REL: variants seen among roughly 807,000 people sequenced by gnomAD.
The protein encoded by REL is proto-oncogene c-Rel.
In REL, 15 loss-of-function variants were observed where a neutral mutation model predicts 45.9. The ratio of observed to expected loss-of-function variants is 0.33; its 90% confidence interval spans 0.22 to 0.50. The LOEUF (loss-of-function observed/expected upper bound fraction) is 0.50, where lower values mean the gene tolerates loss of function less well. Ranked by LOEUF, REL falls within the 20% of genes least tolerant of loss-of-function variation. The probability of loss-of-function intolerance (pLI) is 0.98; values close to 1 mark genes in which losing one functional copy is unlikely to be tolerated. For synonymous variants in REL, 239 were observed against 242.1 expected, an observed-to-expected ratio of 0.99 and a Z score of 0.12; for missense variants, 601 against 715.2, an observed-to-expected ratio of 0.84 and a Z score of 1.82.
In REL at chr2:60,930,464, A is replaced by C. The variant is rs1249499202; in HGVS notation, c.*7929A>C. On this transcript the variant is annotated 3_prime_UTR_variant, in exon 10 of 10. Coordinates refer to ENST00000394479, the MANE Select transcript of REL (RefSeq NM_001291746.2). The stretch of plus-strand genomic sequence containing the variant: ...CAGAAATAGGTGACTAATCAGAGAT[A>C]AATGTATGGGTTGTCTGTATCTAGT... The C allele has an allele frequency of 6.6e-6, 1 of 152,364 alleles. No homozygotes were observed. Among genetic ancestry groups the C allele is most frequent in the African/African-American group, 2.4e-5 (1 of 41,464 alleles). The allele number at this position is 152,364 out of a possible 1,614,324, so 9.4% of individuals were successfully genotyped here.
Position 60,930,429 on chromosome 2 carries a change from A to G in REL, c.*7894A>G, listed in dbSNP as rs1332815569. 6.6e-6 allele frequency: 1 copy of G among 152,332 alleles called. No individual in the cohort carries two copies. Among genetic ancestry groups the G allele is most frequent in the South Asian group, 2.1e-4 (1 of 4,832 alleles). The allele number at this position is 152,332 out of a possible 1,614,324, so 9.4% of individuals were successfully genotyped here. On this transcript the variant is annotated 3_prime_UTR_variant, in exon 10 of 10. Coordinates refer to ENST00000394479, the MANE Select transcript of REL (RefSeq NM_001291746.2). ...AGAGCCTTCTTTTGGCTTATCATTTATTATAAGCCCAGAAATAGGTGACTA... is the reference window on the plus strand; with the variant it reads ...AGAGCCTTCTTTTGGCTTATCATTTGTTATAAGCCCAGAAATAGGTGACTA...
In REL at chr2:60,929,230, A is replaced by C. The variant is rs1469084112; in HGVS notation, c.*6695A>C. ...ACTTTTACACTGTTGGTGGGACTGT[A>C]AACTAGTTCAACCATTGTGGAAGTC... On this transcript the variant is annotated 3_prime_UTR_variant, in exon 10 of 10. Transcript: ENST00000394479. The C allele has an allele frequency of 2.7e-5, 4 of 149,242 alleles. No individual in the cohort carries two copies. The highest frequency in any genetic ancestry group is 6.0e-5 in the Non-Finnish European group (4 of 67,192). 9.2% of individuals were successfully genotyped at this position (149,242 alleles called of 1,614,324 possible).
rs138284410 is a variant in REL at position 60,920,242 on chromosome 2, C to G, written c.922+133C>G. Reference sequence around the variant, plus strand: ...TTTGAGATAGCATCTCTCTCTGTCACCCAGGCTGGAGTGCAGTAGGGCAAT... The same window carrying G: ...TTTGAGATAGCATCTCTCTCTGTCAGCCAGGCTGGAGTGCAGTAGGGCAAT... On this transcript the variant is annotated intron_variant, in intron 8 of 9. Transcript: ENST00000394479. The G allele has an allele frequency of 9.7e-4, 729 of 750,478 alleles. 8 individuals carry two copies. The African/African-American group carries it at 0.011, about 12-fold the overall frequency. 46.5% of individuals were successfully genotyped at this position (750,478 alleles called of 1,614,324 possible). A position where few individuals can be genotyped will look rare whatever the true frequency, so the allele number is the denominator to read the frequency against.
intron 3 of REL, 26 bp downstream of exon 3, chr2:60,894,571 C>A: frequency 6.6e-7 from 1 of 1,520,746 alleles, no homozygotes; most frequent in South Asian, 1.3e-5. Flanking sequence ...CAGACATCTT[C>A]AGAAATAAGA....
chr2:60,887,739 A>T (rs1338399104), intron 1 of REL, among the ~76,000 whole-genome samples: 2 of 151,006 alleles, frequency 1.3e-5, no homozygotes, highest in Non-Finnish European at 3.0e-5. Context: ...GAGCTTCTGC[A>T]GTAGGAAAAA....
At chr2:60,891,076 C>T (rs1053991763) in intron 1 of REL, among the ~76,000 whole-genome samples, 3 of 152,100 alleles carry the variant, frequency 2.0e-5, no homozygotes, top group Non-Finnish European at 4.4e-5. Flanking sequence ...GGACTGATTG[C>T]ACATTCTTTG....
intron 4 of REL, among the ~76,000 whole-genome samples, chr2:60,909,153 T>C (rs1431421362): frequency 6.6e-6 from 1 of 152,194 alleles, no homozygotes; most frequent in Non-Finnish European, 1.5e-5. Flanking sequence ...TTTATGTATC[T>C]ATTTCTCATC....
At chr2:60,895,511 T>C (rs1419501898) in intron 3 of REL, among the ~76,000 whole-genome samples, 2 of 152,150 alleles carry the variant, frequency 1.3e-5, no homozygotes, top group Non-Finnish European at 2.9e-5. Flanking sequence ...AATGCCTGGA[T>C]GTGAGAAAAA....
intron 5 of REL, among the ~76,000 whole-genome samples, chr2:60,917,344 T>C (rs944922557): frequency 1.3e-5 from 2 of 152,138 alleles, no homozygotes; most frequent in African/African-American, 4.8e-5. Flanking sequence ...TCTTACCATA[T>C]ATCTTGGACA....
At chr2:60,888,631 G>A (rs1432644406) in intron 1 of REL, among the ~76,000 whole-genome samples, 1 of 152,210 alleles carries the variant, frequency 6.6e-6, no homozygotes, top group Non-Finnish European at 1.5e-5. Context: ...TTAGGTTAAA[G>A]TCAGTTTTCT....
intron 1 of REL, among the ~76,000 whole-genome samples, chr2:60,888,312 C>T (rs1027981509): frequency 2.0e-5 from 3 of 152,014 alleles, no homozygotes; most frequent in East Asian, 1.9e-4. Flanking sequence ...TTATCATTAA[C>T]GATGTCATTT....
chr2:60,900,209 G>C (rs1673456925), intron 3 of REL: 1 of 152,202 alleles, frequency 6.6e-6, no homozygotes, highest in Non-Finnish European at 1.5e-5. Flanking sequence ...GCAATTACCT[G>C]ATTTCTAAAT....
chr2:60,914,497 GTTTA>G (rs143119159), intron 4 of REL, among the ~76,000 whole-genome samples: 2,445 of 152,068 alleles, frequency 0.016, 66 homozygotes, highest in African/African-American at 0.056. Context: ...TGACCAGTTT[GTTTA>G]TTTTTCTTTT....
At chr2:60,897,232 G>A (rs572984673) in intron 3 of REL, among the ~76,000 whole-genome samples, 30 of 151,316 alleles carry the variant, frequency 2.0e-4, no homozygotes, top group African/African-American at 6.1e-4. Flanking sequence ...TTGATATGCC[G>A]TCATCTTTCT....
rs757465539 is a variant in REL at position 60,921,886 on chromosome 2, T to A, written c.1115T>A (p.Met372Lys). ...AGTGGATTGTCACATCATGCCTCAA[T>A]GGCACCTCTGCCTTCTTCAAGCTGG... ...ISSGLSHHAS[M>K]APLPSSSWSS... Residue 372 changes from methionine (M) to lysine (K), a missense_variant, in exon 10 of 10, where the codon ATG becomes AAG. Around this residue, in one of 4 missense-constraint regions of REL, gnomAD observed 334 missense variants for 333.1 expected, o/e 1.00. Coordinates refer to ENST00000394479, the MANE Select transcript of REL (RefSeq NM_001291746.2). 5 of 1,614,038 alleles carry A rather than the reference T, an allele frequency of 3.1e-6. No homozygotes were observed. The highest frequency in any genetic ancestry group is 3.3e-5 in the Admixed American group (2 of 59,998).
In REL at chr2:60,926,593, C is replaced by T. The variant is rs948795427; in HGVS notation, c.*4058C>T. The T allele has an allele frequency of 1.3e-5, 3 of 231,174 alleles. No individual in the cohort carries two copies. Among genetic ancestry groups the T allele is most frequent in the Non-Finnish European group, 2.6e-5 (3 of 116,734 alleles). The allele number at this position is 231,174 out of a possible 1,614,324, so 14.3% of individuals were successfully genotyped here. ...AGTTGGTGCTATTTCCCCCTACCCGCCCTCCGATGATCTTATCAGAGCCCA... is the reference window on the plus strand; with the variant it reads ...AGTTGGTGCTATTTCCCCCTACCCGTCCTCCGATGATCTTATCAGAGCCCA... On this transcript the variant is annotated 3_prime_UTR_variant, in exon 10 of 10. Transcript: ENST00000394479.
At chr2:60,914,988 C>T (rs556998868) in intron 4 of REL, among the ~76,000 whole-genome samples, 10 of 152,124 alleles carry the variant, frequency 6.6e-5, no homozygotes, top group Admixed American at 3.9e-4. Flanking sequence ...CCCGCCACCA[C>T]GCCTGGCTAA....
intron 7 of REL, among the ~76,000 whole-genome samples, chr2:60,918,910 C>T (rs1320801390): frequency 1.3e-5 from 2 of 152,150 alleles, no homozygotes; most frequent in African/African-American, 4.8e-5. Context: ...TCTGCCTCAG[C>T]CTCCTGAGTA....
intron 2 of REL, among the ~76,000 whole-genome samples, chr2:60,892,308 G>T (rs1422153457): frequency 6.6e-6 from 1 of 152,060 alleles, no homozygotes; most frequent in Non-Finnish European, 1.5e-5. Flanking sequence ...CTGGGTCATT[G>T]ACTGATTTGA....
Sources: allele counts gnomAD v4.1 joint callset (sites outside exome capture counted in the v4.1 genomes callset), GRCh38; gene constraint gnomAD v4.1.1; regional missense constraint gnomAD v4.1.1; transcripts MANE v1.5; gene names NCBI Gene and HGNC (gene_info 2026-07-23, HGNC 2026-07-21).